KIRREL3: variants seen among roughly 807,000 people sequenced by gnomAD.
KIRREL3 encodes kin of IRRE-like protein 3.
In KIRREL3, 36 loss-of-function variants were observed where a neutral mutation model predicts 89.7. The observed-to-expected ratio is 0.40, with a 90% confidence interval of 0.31 to 0.53. The LOEUF (loss-of-function observed/expected upper bound fraction) is 0.53. KIRREL3 is among the 20% of genes least tolerant of loss of function. KIRREL3 has a pLI of 0.49. For missense variants in KIRREL3, 864 were observed against 1,056.6 expected, an observed-to-expected ratio of 0.82 and a Z score of 2.53; for synonymous variants, 445 against 441.4, an observed-to-expected ratio of 1.01 and a Z score of -0.10.
At chr11:126,751,574 A>AG (rs1189901612) in intron 1 of KIRREL3, among the ~76,000 whole-genome samples, 1 of 152,136 alleles carries the variant, frequency 6.6e-6, no homozygotes, top group East Asian at 1.9e-4. Flanking sequence ...GTGAGATCTT[A>AG]GGGGGGCAAG....
rs764492149 is a variant in KIRREL3 at position 126,432,224 on chromosome 11, C to T, written c.1589-698G>A. On this transcript the variant is annotated intron_variant, in intron 13 of 16. Transcript: ENST00000525144. The surrounding 1 kb of genome is among the most constrained non-coding windows in gnomAD (Gnocchi z 6.2). ...AAGGCTGCCCCTCTGAGCATCCTTGCACCCCTCCTGGCAAGAGAGGCCCAC... is the reference window on the plus strand; with the variant it reads ...AAGGCTGCCCCTCTGAGCATCCTTGTACCCCTCCTGGCAAGAGAGGCCCAC... Among the ~76,000 whole-genome samples, 5 of 151,976 alleles carry T rather than the reference C, an allele frequency of 3.3e-5. No homozygotes were observed. Among genetic ancestry groups the T allele is most frequent in the Admixed American group, 6.6e-5 (1 of 15,266 alleles).
intron 11 of KIRREL3, among the ~76,000 whole-genome samples, chr11:126,438,578 G>A (rs534154098): frequency 1.3e-5 from 2 of 152,350 alleles, no homozygotes; most frequent in African/African-American, 4.8e-5. Context: ...AGAACCGCTG[G>A]CCTAGAATCA....
intron 1 of KIRREL3, among the ~76,000 whole-genome samples, chr11:126,777,648 C>T (rs1015653636): frequency 6.6e-6 from 1 of 152,204 alleles, no homozygotes; most frequent in African/African-American, 2.4e-5. Context: ...TCACTTTTTA[C>T]CACCTACAGG....
At chr11:127,001,571 A>G (rs909053607), upstream of KIRREL3, among the ~76,000 whole-genome samples, 11 of 152,022 alleles carry the variant, frequency 7.2e-5, no homozygotes, top group South Asian at 2.1e-4. Context: ...TGTGAGTCCA[A>G]TTGCAAAGGA....
At chr11:126,663,830 A>C (rs1389626714) in intron 1 of KIRREL3, among the ~76,000 whole-genome samples, 1 of 152,242 alleles carries the variant, frequency 6.6e-6, no homozygotes, top group South Asian at 2.1e-4. Context: ...GCAATTCATG[A>C]TTGTTGAGCA....
chr11:126,625,260 A>C (rs1823542966), intron 1 of KIRREL3, among the ~76,000 whole-genome samples: 1 of 152,162 alleles, frequency 6.6e-6, no homozygotes. Flanking sequence ...ACTAGGCTAC[A>C]ATCCAGGTCT....
intron 5 of KIRREL3, among the ~76,000 whole-genome samples, chr11:126,470,978 G>A (rs1956870772): frequency 2.6e-5 from 4 of 152,216 alleles, no homozygotes; most frequent in Admixed American, 2.6e-4. Flanking sequence ...GTGGAGTTTG[G>A]TGGGGGCTGT....
rs1949845929 is a variant in KIRREL3, at chr11:126,985,707, C to T, written c.55+14748G>A. On this transcript the variant is annotated intron_variant, in intron 1 of 16. Transcript: ENST00000525144. This position sits in a 1 kb window ranked among gnomAD's most constrained non-coding sequence, Gnocchi z 5.3. ...GGGTGGGGAGACTTTCATTCTGAGA[C>T]TCTTTGTCCTGAAGGTGTCGGGATG... is the stretch of plus-strand genomic sequence containing the variant. Among the ~76,000 whole-genome samples, 1 of 152,148 alleles carries T rather than the reference C, an allele frequency of 6.6e-6. No homozygotes were observed. Among genetic ancestry groups the T allele is most frequent in the Non-Finnish European group, 1.5e-5 (1 of 68,022 alleles).
intron 1 of KIRREL3, among the ~76,000 whole-genome samples, chr11:126,875,118 A>G (rs1945234910): frequency 1.3e-5 from 2 of 152,186 alleles, no homozygotes; most frequent in African/African-American, 4.8e-5. Context: ...TATATCAATC[A>G]ATCAATCAAT....
At chr11:126,451,384 ATG>A (rs976072010) in intron 7 of KIRREL3, among the ~76,000 whole-genome samples, 23 of 68,464 alleles carry the variant, frequency 3.4e-4, no homozygotes, top group African/African-American at 1.4e-3. Context: ...GAGCGTGTGC[ATG>A]TGTGAACGTG....
chr11:126,554,678 G>C (rs1939567469), intron 2 of KIRREL3, among the ~76,000 whole-genome samples: 1 of 152,172 alleles, frequency 6.6e-6, no homozygotes, highest in African/African-American at 2.4e-5. Context: ...AGAGCCAACT[G>C]ACTGGTAGGG....
At position 126,568,774 on chromosome 11, in the gene KIRREL3, AG is replaced by A. The variant is rs552457097; in HGVS notation, c.56-5863del. ...ACATGGGCAAAAGTGCCCAGAATGAAGTACCTAATAAGGGTGAGTTCAATAA... is the reference window on the plus strand; with the variant it reads ...ACATGGGCAAAAGTGCCCAGAATGAATACCTAATAAGGGTGAGTTCAATAA... On this transcript the variant is annotated intron_variant, in intron 1 of 16. Transcript: ENST00000525144. The surrounding 1 kb of genome is among the most constrained non-coding windows in gnomAD (Gnocchi z 4.6). Among the ~76,000 whole-genome samples, 543 of 152,352 alleles carry A rather than the reference AG, an allele frequency of 3.6e-3. 8 individuals carry two copies. The highest frequency in any genetic ancestry group is 8.3e-3 in the African/African-American group (344 of 41,590).
chr11:126,470,299 G>C (rs780284985), intron 5 of KIRREL3, among the ~76,000 whole-genome samples: 4 of 152,206 alleles, frequency 2.6e-5, no homozygotes, highest in Non-Finnish European at 4.4e-5. Flanking sequence ...TTCTCCTCTG[G>C]ACAACTCTCT....
At chr11:126,888,707 C>T (rs1165891009) in intron 1 of KIRREL3, among the ~76,000 whole-genome samples, 1 of 152,140 alleles carries the variant, frequency 6.6e-6, no homozygotes, top group Admixed American at 6.5e-5. Flanking sequence ...TCGAGGTTTA[C>T]TAAGTGTCCT....
rs1176455223 is a variant in KIRREL3 at position 126,489,331 on chromosome 11, T to G, written c.434-15865A>C. On this transcript the variant is annotated intron_variant, in intron 4 of 16. Coordinates refer to ENST00000525144, the MANE Select transcript of KIRREL3 (RefSeq NM_032531.4). This position sits in a 1 kb window ranked among gnomAD's most constrained non-coding sequence, Gnocchi z 5.5. ...AGCTCAGCCTGCACGGAGCAGGTGC[T>G]CAACAGATGAGCACCCCATCAATGA... 1.3e-5 allele frequency among the ~76,000 whole-genome samples: 2 copies of G among 152,060 alleles called. No homozygotes were observed. Among genetic ancestry groups the G allele is most frequent in the Non-Finnish European group, 2.9e-5 (2 of 68,006 alleles).
In KIRREL3 at chr11:126,524,620, T is replaced by G. The variant is rs1958693593; in HGVS notation, c.283+1918A>C. ...GCATTTATAAATCATTTTCTTTGAC[T>G]GGTTATTCCAGCTTTGGTGACTAGA... On this transcript the variant is annotated intron_variant, in intron 3 of 16. Coordinates refer to ENST00000525144, the MANE Select transcript of KIRREL3 (RefSeq NM_032531.4). 2.0e-5 allele frequency among the ~76,000 whole-genome samples: 3 copies of G among 152,250 alleles called. No individual in the cohort carries two copies. In the South Asian group the frequency reaches 6.2e-4, roughly 32 times the overall value.
At chr11:126,743,125 T>C (rs904907166) in intron 1 of KIRREL3, among the ~76,000 whole-genome samples, 5 of 152,206 alleles carry the variant, frequency 3.3e-5, no homozygotes, top group Non-Finnish European at 5.9e-5. Context: ...TATCTTATCT[T>C]ACAGCTAGGT....
chr11:126,951,242 G>C (rs1948765481), intron 1 of KIRREL3, among the ~76,000 whole-genome samples: 1 of 152,174 alleles, frequency 6.6e-6, no homozygotes, highest in Non-Finnish European at 1.5e-5. Context: ...AGAAGAAACA[G>C]AAAAGGCCTA....
intron 1 of KIRREL3, among the ~76,000 whole-genome samples, chr11:126,854,966 C>T (rs959176465): frequency 3.3e-5 from 5 of 152,158 alleles, no homozygotes; most frequent in African/African-American, 9.7e-5. Context: ...GTCTCTAAGT[C>T]GTGGCTGTGG....
Sources: allele counts gnomAD v4.1 joint callset (sites outside exome capture counted in the v4.1 genomes callset), GRCh38; gene constraint gnomAD v4.1.1; non-coding constraint Gnocchi (gnomAD v3.1); transcripts MANE v1.5; gene names NCBI Gene and HGNC (gene_info 2026-07-23, HGNC 2026-07-21).